The following GALNT13 variants were observed in gnomAD, a reference collection of about 807,000 sequenced individuals.
GALNT13 encodes polypeptide N-acetylgalactosaminyltransferase 13.
In GALNT13, 28 loss-of-function variants were observed where a neutral mutation model predicts 64.2. The ratio of observed to expected loss-of-function variants is 0.44; its 90% CI spans 0.32 to 0.60. GALNT13 has a LOEUF of 0.60. Ranked by LOEUF, GALNT13 falls within the 20% of genes least tolerant of loss-of-function variation. The pLI, the probability that GALNT13 is intolerant of heterozygous loss-of-function variation, is 0.05. For synonymous variants in GALNT13, 214 were observed against 224.6 expected (o/e 0.95, Z 0.42); for missense variants, 577 against 669.8 (o/e 0.86, Z 1.53).
chr2:154,384,798 T>C (rs778259901), intron 9 of GALNT13, among the ~76,000 whole-genome samples: 1 of 151,946 alleles, frequency 6.6e-6, no homozygotes, highest in Non-Finnish European at 1.5e-5. Flanking sequence ...GATTCAGTAT[T>C]ATGCCGAGGA....
chr2:153,950,935 G>T (rs1452420611), intron 3 of GALNT13, among the ~76,000 whole-genome samples: 2 of 151,510 alleles, frequency 1.3e-5, no homozygotes, highest in Non-Finnish European at 2.9e-5. Flanking sequence ...TTATAAGAAA[G>T]AAAAAAGTTG....
At chr2:153,921,511 G>A (rs553476778) in intron 2 of GALNT13, among the ~76,000 whole-genome samples, 1 of 152,170 alleles carries the variant, frequency 6.6e-6, no homozygotes, top group African/African-American at 2.4e-5. Flanking sequence ...TACCCATTGG[G>A]TACTATGTTT....
intron 3 of GALNT13, among the ~76,000 whole-genome samples, chr2:154,002,386 T>A (rs1695971956): frequency 6.6e-6 from 1 of 151,960 alleles, no homozygotes; most frequent in Admixed American, 6.6e-5. Flanking sequence ...TTGGATAAAT[T>A]TGTGTGTTCT....
At chr2:154,329,367 T>G (rs1367546670) in intron 9 of GALNT13, among the ~76,000 whole-genome samples, 1 of 152,224 alleles carries the variant, frequency 6.6e-6, no homozygotes, top group Non-Finnish European at 1.5e-5. Flanking sequence ...CCTCCCAAAG[T>G]GCTGGGATTA....
intron 3 of GALNT13, among the ~76,000 whole-genome samples, chr2:154,091,674 G>T (rs963120078): frequency 6.6e-6 from 1 of 151,754 alleles, no homozygotes; most frequent in Non-Finnish European, 1.5e-5. Context: ...TGGGATTATT[G>T]TATTAAATCA....
chr2:154,261,872 T>C (rs1333923077), intron 8 of GALNT13, among the ~76,000 whole-genome samples: 1 of 152,064 alleles, frequency 6.6e-6, no homozygotes, highest in African/African-American at 2.4e-5. Flanking sequence ...TTTGTAGCTG[T>C]GGTCTACATA....
At chr2:153,370,231 CATGA>C in the GALNT13 span, among the ~76,000 whole-genome samples, 6 of 152,048 alleles carry the variant, frequency 3.9e-5, no homozygotes, top group Non-Finnish European at 8.8e-5. Flanking sequence ...TGGCTTCATT[CATGA>C]ATATTACCAA....
chr2:154,418,154 T>C (rs1211861323), intron 11 of GALNT13, among the ~76,000 whole-genome samples: 1 of 152,134 alleles, frequency 6.6e-6, no homozygotes, highest in Non-Finnish European at 1.5e-5. Context: ...GTTATAAAAA[T>C]GTTTAAAGTT....
chr2:153,869,660 AGGTG>A (rs1302018404), upstream of GALNT13, among the ~76,000 whole-genome samples: 155 of 152,292 alleles, frequency 1.0e-3, no homozygotes, highest in African/African-American at 3.3e-3. Flanking sequence ...CAGTTGGTTA[AGGTG>A]ATGTTTACCA....
chr2:153,925,755 C>G (rs192803371), intron 2 of GALNT13, among the ~76,000 whole-genome samples: 1 of 151,910 alleles, frequency 6.6e-6, no homozygotes, highest in South Asian at 2.1e-4. Flanking sequence ...TTGTAGTTCC[C>G]CTTGAAGAGG....
the GALNT13 span, among the ~76,000 whole-genome samples, chr2:153,818,541 C>T: frequency 3.9e-4 from 59 of 152,300 alleles, no homozygotes; most frequent in South Asian, 0.011. Context: ...AGGCAGGGCT[C>T]GTAGGCTTGG....
the GALNT13 span, among the ~76,000 whole-genome samples, chr2:153,532,321 C>G: frequency 1.3e-5 from 2 of 152,142 alleles, no homozygotes; most frequent in East Asian, 1.9e-4. Flanking sequence ...TTTACCTAGC[C>G]TTTTTGAGCC....
the GALNT13 span, among the ~76,000 whole-genome samples, chr2:153,126,051 C>G: frequency 0.059 from 8,921 of 151,678 alleles, 698 homozygotes; most frequent in East Asian, 0.18. Context: ...ATCAAAAGAC[C>G]TATAAATGCT....
At chr2:153,463,368 C>T in the GALNT13 span, among the ~76,000 whole-genome samples, 4 of 152,008 alleles carry the variant, frequency 2.6e-5, no homozygotes, top group Non-Finnish European at 5.9e-5. Context: ...AGTCTCTAAT[C>T]GAACATGTAG....
At chr2:153,300,267 T>C in the GALNT13 span, among the ~76,000 whole-genome samples, 1 of 152,212 alleles carries the variant, frequency 6.6e-6, no homozygotes, top group Non-Finnish European at 1.5e-5. Context: ...AATCCTGTGA[T>C]AGTCGAATTT....
chr2:153,335,294 A>G, the GALNT13 span, among the ~76,000 whole-genome samples: 1 of 152,332 alleles, frequency 6.6e-6, no homozygotes, highest in Admixed American at 6.5e-5. Context: ...TAGGAACTGG[A>G]TAACAGGCAG....
At chr2:153,680,732 C>T in the GALNT13 span, among the ~76,000 whole-genome samples, 1 of 151,846 alleles carries the variant, frequency 6.6e-6, no homozygotes, top group Non-Finnish European at 1.5e-5. Flanking sequence ...CCATATGGCC[C>T]ACATTCAGTA....
the GALNT13 span, among the ~76,000 whole-genome samples, chr2:153,630,431 A>G: frequency 3.5e-5 from 5 of 141,768 alleles, no homozygotes; most frequent in Admixed American, 3.0e-4. Context: ...TCTCACTCAT[A>G]GATGGGAATT....
At chr2:153,994,182 T>C (rs1695361049) in intron 3 of GALNT13, among the ~76,000 whole-genome samples, 1 of 152,164 alleles carries the variant, frequency 6.6e-6, no homozygotes, top group Admixed American at 6.6e-5. Context: ...TTTTTTGTCC[T>C]TGCGATAGTT....
Sources: allele counts gnomAD v4.1 joint callset (sites outside exome capture counted in the v4.1 genomes callset), GRCh38; gene constraint gnomAD v4.1.1; transcripts MANE v1.5; gene names NCBI Gene and HGNC (gene_info 2026-07-23, HGNC 2026-07-21).